Variants in UNC13C observed in about 807,000 individuals in gnomAD.
UNC13C encodes protein unc-13 homolog C.
A neutral mutation model predicts 245.4 loss-of-function variants in UNC13C; 174 were observed. That is an observed-to-expected ratio of 0.71 (90% CI 0.63 to 0.80). The LOEUF is 0.80. Ranked by LOEUF, UNC13C falls within the 30% of genes least tolerant of loss-of-function variation. The probability of loss-of-function intolerance (pLI) is 0.00; values close to 1 mark genes in which losing one functional copy is unlikely to be tolerated. For synonymous variants in UNC13C, 992 were observed against 895.1 expected, an observed-to-expected ratio of 1.11 and a Z score of -1.93; for missense variants, 2,829 against 2,602.9, an observed-to-expected ratio of 1.09 and a Z score of -1.89.
chr15:54,506,363 G>T (rs540090), intron 22 of UNC13C, among the ~76,000 whole-genome samples: 104,411 of 151,990 alleles, frequency 0.69, 36,789 homozygotes, highest in African/African-American at 0.85. Context: ...TAATTGAACA[G>T]TATGTCTAAA....
chr15:54,570,990 T>C (rs1355719601), intron 30 of UNC13C, among the ~76,000 whole-genome samples: 2 of 152,212 alleles, frequency 1.3e-5, no homozygotes, highest in Admixed American at 1.3e-4. Context: ...CATGCTGAAA[T>C]AGAGGCATTT....
intron 16 of UNC13C, 119 bp from the exon 17 acceptor site, chr15:54,338,242 A>T: frequency 8.5e-7 from 1 of 1,178,768 alleles, no homozygotes; most frequent in Non-Finnish European, 1.2e-6. Context: ...GTAAGATGAC[A>T]CTTACTGAAC....
chr15:54,423,269 C>A (rs1303678073), intron 19 of UNC13C, among the ~76,000 whole-genome samples: 2 of 151,536 alleles, frequency 1.3e-5, no homozygotes, highest in African/African-American at 2.4e-5. Flanking sequence ...GAGTATGAAA[C>A]TTTGTAATTT....
At chr15:53,872,831 G>A in the UNC13C span, among the ~76,000 whole-genome samples, 1 of 152,138 alleles carries the variant, frequency 6.6e-6, no homozygotes, top group African/African-American at 2.4e-5. Context: ...TGGTTATAAT[G>A]AAATTGATGT....
At chr15:54,584,710 A>G (rs1898396904) in intron 30 of UNC13C, among the ~76,000 whole-genome samples, 1 of 152,282 alleles carries the variant, frequency 6.6e-6, no homozygotes, top group Non-Finnish European at 1.5e-5. Flanking sequence ...AGAAAACATT[A>G]TGGTACAAAT....
intron 10 of UNC13C, among the ~76,000 whole-genome samples, chr15:54,270,496 TTGTTAAG>T (rs1381269988): frequency 6.6e-6 from 1 of 152,114 alleles, no homozygotes; most frequent in Non-Finnish European, 1.5e-5. Flanking sequence ...TTCATAGAAC[TTGTTAAG>T]TGTTAAAAAT....
upstream of UNC13C, among the ~76,000 whole-genome samples, chr15:53,975,543 C>G (rs1345771175): frequency 6.6e-6 from 1 of 152,168 alleles, no homozygotes; most frequent in Non-Finnish European, 1.5e-5. Flanking sequence ...TCCATGCACA[C>G]AGGATTGGTT....
At chr15:54,624,102 G>A (rs1900986270) in intron 32 of UNC13C, 148 bp downstream of exon 32, 2 of 966,190 alleles carry the variant, frequency 2.1e-6, no homozygotes, top group Non-Finnish European at 3.1e-6. Flanking sequence ...TCTGTTCAGT[G>A]CCTGCCATGT....
intron 8 of UNC13C, among the ~76,000 whole-genome samples, chr15:54,261,291 C>T (rs2036416997): frequency 6.6e-6 from 1 of 152,062 alleles, no homozygotes; most frequent in Non-Finnish European, 1.5e-5. Flanking sequence ...ACAAATAAGC[C>T]TGAAGAAAAA....
chr15:53,995,900 G>T (rs1047014045), intron 1 of UNC13C, among the ~76,000 whole-genome samples: 6 of 151,876 alleles, frequency 4.0e-5, no homozygotes, highest in African/African-American at 1.4e-4. Flanking sequence ...AGAGAGAGAG[G>T]TTTCCATGAT....
intron 13 of UNC13C, among the ~76,000 whole-genome samples, chr15:54,310,104 G>A (rs78409010): frequency 6.7e-6 from 1 of 148,796 alleles, no homozygotes; most frequent in Non-Finnish European, 1.5e-5. Flanking sequence ...TTTTTTTTTT[G>A]AAGATGTACT....
intron 2 of UNC13C, among the ~76,000 whole-genome samples, chr15:54,018,195 T>C (rs1402877150): frequency 6.6e-6 from 1 of 152,134 alleles, no homozygotes; most frequent in Non-Finnish European, 1.5e-5. Context: ...GTCATGATGG[T>C]TTCTGTTCCC....
At chr15:54,372,135 G>C (rs189811555) in intron 17 of UNC13C, among the ~76,000 whole-genome samples, 1 of 152,006 alleles carries the variant, frequency 6.6e-6, no homozygotes, top group East Asian at 1.9e-4. Flanking sequence ...GTGAGGTAAT[G>C]CATATATTAA....
At position 54,250,127 on chromosome 15, in the gene UNC13C, C is replaced by A. The variant is rs538723164; in HGVS notation, c.3229-98C>A. 7.2e-5 allele frequency: 84 copies of A among 1,171,782 alleles called. 1 individual carries two copies. The South Asian group carries it at 1.1e-3, about 15-fold the overall frequency. 72.6% of individuals were successfully genotyped at this position (1,171,782 alleles called of 1,614,324 possible). On this transcript the variant is annotated intron_variant, in intron 7 of 32. Transcript: ENST00000260323. ...TGATCCAGGGGCTCTCTCAAAATAC[C>A]ATTTTCAGAGAAAAGTGATAAAATG... is the stretch of plus-strand genomic sequence containing the variant.
At chr15:54,512,302 T>C in intron 24 of UNC13C, 2 of 455,584 alleles carry the variant, frequency 4.4e-6, no homozygotes, top group Non-Finnish European at 8.8e-6. Context: ...GTCTGTAATG[T>C]GTCATGTCTT....
intron 19 of UNC13C, among the ~76,000 whole-genome samples, chr15:54,446,699 A>G (rs559259337): frequency 7.2e-5 from 11 of 152,288 alleles, no homozygotes; most frequent in African/African-American, 2.6e-4. Context: ...GGCTGAGATA[A>G]TGGGGTTTTC....
At chr15:54,207,884 A>C (rs905308746) in intron 4 of UNC13C, among the ~76,000 whole-genome samples, 2 of 152,114 alleles carry the variant, frequency 1.3e-5, no homozygotes, top group East Asian at 1.9e-4. Flanking sequence ...TTAGTATGCT[A>C]ATGTAGAAAA....
chr15:53,866,701 G>C, the UNC13C span, among the ~76,000 whole-genome samples: 1,141 of 152,260 alleles, frequency 7.5e-3, 7 homozygotes, highest in Non-Finnish European at 9.6e-3. Context: ...TGAAGCTACT[G>C]CAAAGCATAG....
chr15:54,189,331 T>A (rs16974289), intron 4 of UNC13C, among the ~76,000 whole-genome samples: 2,045 of 152,276 alleles, frequency 0.013, 56 homozygotes, highest in African/African-American at 0.046. Context: ...TACTCAGAAT[T>A]TCTTTTCTTA....
Sources: gnomAD v4.1 joint callset for allele counts (sites outside exome capture counted in the v4.1 genomes callset) on GRCh38, gnomAD v4.1.1 for gene constraint, MANE v1.5 for transcripts, NCBI Gene and HGNC (gene_info 2026-07-23, HGNC 2026-07-21) for gene names.